INVS: variants seen among roughly 807,000 people sequenced by gnomAD.
INVS encodes the protein inversion of embryo turning homolog.
In INVS, 86 loss-of-function variants were observed where a neutral mutation model predicts 108.8. That is an observed-to-expected ratio of 0.79 (90% confidence interval 0.66 to 0.95). INVS has a LOEUF of 0.95. Ranked by LOEUF, INVS falls within the 40% of genes least tolerant of loss-of-function variation. The pLI is 0.00. For missense variants in INVS, 1,169 were observed against 1,297.4 expected (o/e 0.90, Z 1.52); for synonymous variants, 455 against 473.5 (o/e 0.96, Z 0.51).
At chr9:100,205,221 C>T (rs190857189) in intron 3 of INVS, among the ~76,000 whole-genome samples, 1 of 152,208 alleles carries the variant, frequency 6.6e-6, no homozygotes, top group Non-Finnish European at 1.5e-5. Flanking sequence ...TTCTCAACTG[C>T]CTTTGTAAAC....
intron 3 of INVS, chr9:100,215,624 T>G (rs1830962697): frequency 6.6e-6 from 1 of 152,252 alleles, no homozygotes; most frequent in African/African-American, 2.4e-5. Flanking sequence ...GGCTCATTGT[T>G]AGGCATATCA....
chr9:100,126,697 CTGCAGAGAGTAAAAGCACAGATAACTA>C, intron 3 of INVS, 148 bp downstream of exon 3: 1 of 788,878 alleles, frequency 1.3e-6, no homozygotes, highest in Non-Finnish European at 2.1e-6. Context: ...TGTCTTTAAG[CTGCAGAGAGTAAAAGCACAGATAACTA>C]TCAGCGGCTG....
At chr9:100,118,118 T>C (rs1169478048) in intron 2 of INVS, among the ~76,000 whole-genome samples, 1 of 151,416 alleles carries the variant, frequency 6.6e-6, no homozygotes, top group Non-Finnish European at 1.5e-5. Context: ...GCCATGCTGG[T>C]CTTGAACCCC....
At chr9:100,252,581 C>T in intron 9 of INVS, 143 bp downstream of exon 9, 2 of 841,086 alleles carry the variant, frequency 2.4e-6, no homozygotes, top group Admixed American at 2.0e-5. Flanking sequence ...GCATGAGGAA[C>T]CTCAAGTTCT....
chr9:100,116,698 A>G, intron 2 of INVS: 1 of 556,374 alleles, frequency 1.8e-6, no homozygotes, highest in East Asian at 3.6e-5. Context: ...TATAGGTTTT[A>G]TTTATTTTTT....
chr9:100,203,297 T>C (rs1211750018), intron 3 of INVS, among the ~76,000 whole-genome samples: 1 of 152,184 alleles, frequency 6.6e-6, no homozygotes, highest in African/African-American at 2.4e-5. Flanking sequence ...TTATATTGCC[T>C]ATTACTCAGT....
chr9:100,301,139 TCACACACACACACACACACA>T lies in INVS; in HGVS notation c.*486_*505del, dbSNP rs10527613. ...CCTGGCATCTAATGCAACAAACTTATCACACACACACACACACACACACACACACACACACACACATATCA... is the reference window on the plus strand; with the variant it reads ...CCTGGCATCTAATGCAACAAACTTATCACACACACACACACACACATATCA... On this transcript the variant is annotated 3_prime_UTR_variant, in exon 17 of 17. Transcript: ENST00000262457. 1.1e-3 allele frequency: 178 copies of T among 167,898 alleles called. 1 individual carries two copies. The highest frequency in any genetic ancestry group is 6.1e-3 in the African/African-American group (170 of 27,732). 10.4% of individuals were successfully genotyped at this position (167,898 alleles called of 1,614,324 possible). A position where few individuals can be genotyped will look rare whatever the true frequency, so the allele number is the denominator to read the frequency against.
intron 2 of INVS, among the ~76,000 whole-genome samples, chr9:100,111,713 A>C (rs764663692): frequency 2.0e-5 from 3 of 152,222 alleles, no homozygotes; most frequent in Non-Finnish European, 4.4e-5. Context: ...CAAACAATAC[A>C]TTGTTTTATT....
At chr9:100,124,220 T>C (rs1244841988) in intron 2 of INVS, among the ~76,000 whole-genome samples, 1 of 139,616 alleles carries the variant, frequency 7.2e-6, no homozygotes, top group African/African-American at 2.7e-5. Context: ...GTGTGTATGA[T>C]TGTTCTAGGT....
chr9:100,191,605 T>C (rs943107108), intron 3 of INVS, among the ~76,000 whole-genome samples: 1 of 152,220 alleles, frequency 6.6e-6, no homozygotes, highest in African/African-American at 2.4e-5. Flanking sequence ...TTAACTTCAC[T>C]ATGTTGGTTT....
At chr9:100,284,715 C>T (rs868597938) in intron 13 of INVS, 112 bp downstream of exon 13, 152 of 1,136,596 alleles carry the variant, frequency 1.3e-4, no homozygotes, top group Non-Finnish European at 1.8e-4. Flanking sequence ...CACCTAGGAC[C>T]GCCACTTTAT....
At chr9:100,255,834 T>C (rs1832401254) in intron 10 of INVS, among the ~76,000 whole-genome samples, 1 of 152,196 alleles carries the variant, frequency 6.6e-6, no homozygotes, top group Non-Finnish European at 1.5e-5. Flanking sequence ...TATTGAAAAT[T>C]TTTGCATCGA....
intron 12 of INVS, among the ~76,000 whole-genome samples, chr9:100,275,278 A>G (rs1833079304): frequency 6.6e-6 from 1 of 152,216 alleles, no homozygotes; most frequent in South Asian, 2.1e-4. Flanking sequence ...TGATCTCTGT[A>G]AAGGGATGGA....
chr9:100,211,159 A>T (rs1830820838), intron 3 of INVS, among the ~76,000 whole-genome samples: 2 of 152,160 alleles, frequency 1.3e-5, no homozygotes. Context: ...AGACAAAAAA[A>T]AAATGTTGTC....
chr9:100,298,093 A>G (rs1373045625), intron 16 of INVS, 83 bp downstream of exon 16: 40 of 1,606,336 alleles, frequency 2.5e-5, no homozygotes, highest in Non-Finnish European at 3.4e-5. Context: ...GACAGAAGAC[A>G]TTAGAACAGA....
At chr9:100,230,513 GTTTAT>G (rs894879213) in intron 5 of INVS, among the ~76,000 whole-genome samples, 1 of 151,778 alleles carries the variant, frequency 6.6e-6, no homozygotes, top group Non-Finnish European at 1.5e-5. Context: ...ACCTTATGCT[GTTTAT>G]TTTATTTTAT....
chr9:100,106,493 G>A (rs545338314), intron 2 of INVS, among the ~76,000 whole-genome samples: 11 of 152,086 alleles, frequency 7.2e-5, no homozygotes, highest in South Asian at 2.1e-4. Flanking sequence ...CTGCATTAGC[G>A]CACAGGCTAA....
At position 100,166,585 on chromosome 9, in the gene INVS, G is replaced by A. The variant is rs184050966; in HGVS notation, c.273+40036G>A. Among the ~76,000 whole-genome samples the A allele has an allele frequency of 1.6e-4, 24 of 152,266 alleles. 1 individual carries two copies. In the East Asian group the frequency reaches 3.9e-3, roughly 24 times the overall value. ...GTAGCATTTTTAGCAGAACTGCCAG[G>A]TAGAGAATTCAATTCAACTAACACA... On this transcript the variant is annotated intron_variant, in intron 3 of 16. Transcript: ENST00000262457.
intron 15 of INVS, among the ~76,000 whole-genome samples, 165 bp from the exon 16 acceptor site, chr9:100,297,771 A>G (rs1376451397): frequency 1.3e-5 from 2 of 152,208 alleles, no homozygotes; most frequent in Non-Finnish European, 2.9e-5. Flanking sequence ...TCATTTAGCA[A>G]AATCTCAGGA....
Sources: allele counts gnomAD v4.1 joint callset (sites outside exome capture counted in the v4.1 genomes callset), GRCh38; gene constraint gnomAD v4.1.1; transcripts MANE v1.5; gene names NCBI Gene and HGNC (gene_info 2026-07-23, HGNC 2026-07-21).